FRYL: variants seen among roughly 807,000 people sequenced by gnomAD.
FRYL encodes protein furry homolog-like.
Under a neutral mutation model 351.2 loss-of-function variants are expected in FRYL, and 150 were observed. The observed-to-expected ratio is 0.43, with a 90% CI of 0.37 to 0.49. FRYL has a LOEUF of 0.49. FRYL is among the 20% of genes least tolerant of loss of function. The pLI, the probability that FRYL is intolerant of heterozygous loss-of-function variation, is 0.00. For missense variants in FRYL, 3,036 were observed against 3,619.3 expected (o/e 0.84, Z 4.13); for synonymous variants, 1,153 against 1,257.1 (o/e 0.92, Z 1.75).
chr4:48,612,868 C>T (rs1186397878), intron 7 of FRYL, among the ~76,000 whole-genome samples: 4 of 151,978 alleles, frequency 2.6e-5, no homozygotes, highest in African/African-American at 4.8e-5. Flanking sequence ...GGATTACAGG[C>T]GTGAGCCACC....
At chr4:48,529,667 AAAGT>A (rs1370767450) in intron 50 of FRYL, among the ~76,000 whole-genome samples, 1 of 152,216 alleles carries the variant, frequency 6.6e-6, no homozygotes, top group Non-Finnish European at 1.5e-5. Context: ...AATCAACAAA[AAAGT>A]AAGTAGAGCT....
chr4:48,683,228 A>G (rs1764828161), intron 3 of FRYL, among the ~76,000 whole-genome samples: 1 of 147,056 alleles, frequency 6.8e-6, no homozygotes, highest in South Asian at 2.3e-4. Flanking sequence ...ATGAGAACAC[A>G]TGGACACAAG....
chr4:48,563,102 TGAG>T lies in FRYL; in HGVS notation c.3597-117_3597-115del, dbSNP rs371805115. The stretch of plus-strand genomic sequence containing the variant: ...TATAGGCATCTATCTTCTAAGCCTA[TGAG>T]GAGACTTGGTTTTTTCAAGGCAATA... On this transcript the variant is annotated intron_variant, in intron 31 of 63. Coordinates refer to ENST00000358350, the MANE Select transcript of FRYL (RefSeq NM_015030.2). 5.2e-5 allele frequency: 33 copies of T among 638,156 alleles called. No individual in the cohort carries two copies. The African/African-American group carries it at 5.7e-4, about 11-fold the overall frequency. 39.5% of individuals were successfully genotyped at this position (638,156 alleles called of 1,614,324 possible). A position where few individuals can be genotyped will look rare whatever the true frequency, so the allele number is the denominator to read the frequency against.
intron 3 of FRYL, chr4:48,636,780 G>A (rs1754316083): frequency 6.6e-6 from 1 of 151,740 alleles, no homozygotes; most frequent in South Asian, 2.1e-4. Flanking sequence ...TTTCTTAGTA[G>A]GTGTTTAATA....
rs1371996643 is a variant in FRYL, at chr4:48,501,603, TAATACAACTG to T, written c.8592+10_8592+19del. The T allele has an allele frequency of 2.3e-6, 3 of 1,302,120 alleles. No individual in the cohort carries two copies. Among genetic ancestry groups the T allele is most frequent in the Non-Finnish European group, 3.3e-6 (3 of 898,666 alleles). The allele number at this position is 1,302,120 out of a possible 1,614,324, so 80.7% of individuals were successfully genotyped here. A position where few individuals can be genotyped will look rare whatever the true frequency, so the allele number is the denominator to read the frequency against. On this transcript the variant is annotated intron_variant, in intron 62 of 63. Coordinates refer to ENST00000358350, the MANE Select transcript of FRYL (RefSeq NM_015030.2). ...TTTTTTAGAATCAGTTACTGATGCC[TAATACAACTG>T]AATATTTACCTCTGCTTCATTTTTT...
In FRYL at chr4:48,567,471, T is replaced by A; in HGVS notation, c.2997-51A>T. 7.2e-7 allele frequency: 1 copy of A among 1,382,944 alleles called. No homozygotes were observed. The highest frequency in any genetic ancestry group is 9.8e-7 in the Non-Finnish European group (1 of 1,025,440). 85.7% of individuals were successfully genotyped at this position (1,382,944 alleles called of 1,614,324 possible). ...ATGAAGTAAATGGGACTTTATGATTTAAATAAAAAATTCTTAATACTCAAA... is the reference window on the plus strand; with the variant it reads ...ATGAAGTAAATGGGACTTTATGATTAAAATAAAAAATTCTTAATACTCAAA... On this transcript the variant is annotated intron_variant, in intron 27 of 63. Transcript: ENST00000358350. This position sits in a 1 kb window ranked among gnomAD's most constrained non-coding sequence, Gnocchi z 4.2.
Position 48,525,874 on chromosome 4 carries a change from A to G in FRYL, c.7317+1603T>C, listed in dbSNP as rs111066808. Among the ~76,000 whole-genome samples the G allele has an allele frequency of 2.7e-3, 411 of 151,700 alleles. 1 individual carries two copies. Among genetic ancestry groups the G allele is most frequent in the African/African-American group, 9.5e-3 (394 of 41,346 alleles). On this transcript the variant is annotated intron_variant, in intron 53 of 63. Coordinates refer to ENST00000358350, the MANE Select transcript of FRYL (RefSeq NM_015030.2). The stretch of plus-strand genomic sequence containing the variant: ...GAATGTGTATGAGCTGTATATGAGT[A>G]GTATATGTATATATGTACATGAGTT...
chr4:48,738,665 CTT>C (rs748249556), intron 1 of FRYL, among the ~76,000 whole-genome samples: 41 of 132,768 alleles, frequency 3.1e-4, no homozygotes, highest in Admixed American at 3.1e-4. Flanking sequence ...ACATGGCTAA[CTT>C]TTTTTTTTTT....
intron 3 of FRYL, among the ~76,000 whole-genome samples, chr4:48,667,122 CA>C (rs1640559769): frequency 6.6e-6 from 1 of 152,006 alleles, no homozygotes; most frequent in Admixed American, 6.6e-5. Context: ...CAAAATGACT[CA>C]GATTAATAAA....
chr4:48,670,057 T>C (rs1762400572), intron 3 of FRYL, among the ~76,000 whole-genome samples: 1 of 152,002 alleles, frequency 6.6e-6, no homozygotes, highest in Admixed American at 6.6e-5. Flanking sequence ...GTAAATGGAG[T>C]ACCCATCACC....
intron 3 of FRYL, among the ~76,000 whole-genome samples, chr4:48,663,330 T>G (rs1191661066): frequency 7.9e-4 from 4 of 5,040 alleles, no homozygotes; most frequent in Non-Finnish European, 5.9e-3. Flanking sequence ...TTTAATTAAA[T>G]ATATAATTTA....
In FRYL at chr4:48,539,976, C is replaced by T. The variant is rs1389175996; in HGVS notation, c.6388G>A (p.Ala2130Thr). The T allele has an allele frequency of 3.7e-6, 6 of 1,607,922 alleles. No homozygotes were observed. Among genetic ancestry groups the T allele is most frequent in the African/African-American group, 1.3e-5 (1 of 74,864 alleles). The change falls in exon 47 of 64, where the codon GCA becomes ACA. Residue 2130 changes from alanine (A) to threonine (T), a missense_variant. Ala to Thr is a moderately conservative substitution (Grantham distance 58, BLOSUM62 0). This residue lies in a region of FRYL where 1,987 missense variants were observed against 2,311.7 expected (regional missense o/e 0.86). Coordinates refer to ENST00000358350, the MANE Select transcript of FRYL (RefSeq NM_015030.2). ...QFCKETASRI[A>T]KVCAEEKCPT... ...TCAGCATAACATTTGCTTACCTTTG[C>T]TATTCGACTAGCTGTTTCTTTGCAA... is the stretch of plus-strand genomic sequence containing the variant.
At position 48,573,308 on chromosome 4, in the gene FRYL, T is replaced by C. The variant is rs887470133; in HGVS notation, c.2847-65A>G. Reference sequence around the variant, plus strand: ...AGATATAATCTGACACAGGTAAATATGTAAAAACATGATGTAAACTGACAA... The same window carrying C: ...AGATATAATCTGACACAGGTAAATACGTAAAAACATGATGTAAACTGACAA... On this transcript the variant is annotated intron_variant, in intron 25 of 63. Transcript: ENST00000358350. 9 of 1,030,528 alleles carry C rather than the reference T, an allele frequency of 8.7e-6. No individual in the cohort carries two copies. The Admixed American group carries it at 1.5e-4, about 17-fold the overall frequency. The allele number at this position is 1,030,528 out of a possible 1,614,324, so 63.8% of individuals were successfully genotyped here. A position where few individuals can be genotyped will look rare whatever the true frequency, so the allele number is the denominator to read the frequency against.
intron 1 of FRYL, among the ~76,000 whole-genome samples, chr4:48,746,566 AAAAC>A (rs1381848733): frequency 1.3e-5 from 2 of 151,680 alleles, no homozygotes; most frequent in Admixed American, 6.6e-5. Flanking sequence ...AAAGAAAAAG[AAAAC>A]AAACAAACAA....
chr4:48,754,409 T>A (rs764944095), intron 1 of FRYL, among the ~76,000 whole-genome samples: 1 of 152,248 alleles, frequency 6.6e-6, no homozygotes, highest in Non-Finnish European at 1.5e-5. Flanking sequence ...GGGTTGTTTC[T>A]ACATTTTAGC....
intron 2 of FRYL, among the ~76,000 whole-genome samples, chr4:48,700,716 C>T (rs1166358441): frequency 2.6e-5 from 4 of 151,760 alleles, no homozygotes; most frequent in African/African-American, 9.7e-5. Flanking sequence ...GTGGGAGGAT[C>T]GCTTGAGCCC....
At chr4:48,766,957 TG>T (rs1775013423) in intron 1 of FRYL, among the ~76,000 whole-genome samples, 1 of 148,636 alleles carries the variant, frequency 6.7e-6, no homozygotes, top group Admixed American at 6.7e-5. Context: ...AAAAAACAGA[TG>T]AATGGATAAA....
chr4:48,512,425 CTG>C (rs1722674483), intron 57 of FRYL, 54 bp downstream of exon 57: 1 of 1,347,322 alleles, frequency 7.4e-7, no homozygotes, highest in South Asian at 1.3e-5. Flanking sequence ...AGAAGAAAAA[CTG>C]TAACTTGATT....
intron 54 of FRYL, among the ~76,000 whole-genome samples, chr4:48,522,472 AG>A (rs1160841458): frequency 6.6e-6 from 1 of 152,176 alleles, no homozygotes; most frequent in African/African-American, 2.4e-5. Flanking sequence ...CTGAAATAAC[AG>A]GCTACTCTTG....
Sources: allele counts gnomAD v4.1 joint callset (sites outside exome capture counted in the v4.1 genomes callset), GRCh38; gene constraint gnomAD v4.1.1; regional missense constraint gnomAD v4.1.1; non-coding constraint Gnocchi (gnomAD v3.1); transcripts MANE v1.5; gene names NCBI Gene and HGNC (gene_info 2026-07-23, HGNC 2026-07-21).